TCF7: variants seen among roughly 807,000 people sequenced by gnomAD.
TCF7 encodes T-cell-factor-7.
TCF7 carries 19 observed loss-of-function variants against 46.8 expected under a neutral mutation model. The ratio of observed to expected loss-of-function variants is 0.41; its 90% CI spans 0.28 to 0.60. The LOEUF is 0.60. Ranked by LOEUF, TCF7 falls within the 20% of genes least tolerant of loss-of-function variation. The probability of loss-of-function intolerance (pLI) is 0.35; values close to 1 mark genes in which losing one functional copy is unlikely to be tolerated. For missense variants in TCF7, 547 were observed against 504.6 expected (o/e 1.08, Z -0.81); for synonymous variants, 245 against 213.4 (o/e 1.15, Z -1.29).
intron 5 of TCF7, chr5:134,139,984 T>G (rs971829247): frequency 2.6e-5 from 4 of 152,250 alleles, no homozygotes; most frequent in Non-Finnish European, 5.9e-5. Context: ...GTTCCGTGGA[T>G]GCAAATCTGT....
intron 3 of TCF7, among the ~76,000 whole-genome samples, chr5:134,119,893 C>T (rs1050130472): frequency 6.6e-6 from 1 of 152,234 alleles, no homozygotes; most frequent in Non-Finnish European, 1.5e-5. Flanking sequence ...AGCACCAGCC[C>T]TGGTTGCAGT....
chr5:134,140,900 A>G (rs979941321), intron 5 of TCF7: 7 of 401,204 alleles, frequency 1.7e-5, no homozygotes, highest in Non-Finnish European at 2.5e-5. Flanking sequence ...TGAGTCCCCT[A>G]CACTGCAGCT....
Position 134,143,639 on chromosome 5 carries a change from A to G in TCF7, c.1074A>G (p.Thr358=). 1.9e-6 allele frequency: 3 copies of G among 1,613,992 alleles called. No individual in the cohort carries two copies. Among genetic ancestry groups the G allele is most frequent in the Non-Finnish European group, 2.5e-6 (3 of 1,179,992 alleles). Residue 358 remains threonine (T), a splice_region_variant and synonymous_variant, in exon 9 of 10, where the codon ACA becomes ACG. Coordinates refer to ENST00000342854, the MANE Select transcript of TCF7 (RefSeq NM_003202.5). ...GGGAAAAGCACCAAGAATCCACCAC[A>G]GGTGAGACCTTCTCTCAGCAGCAGT... is the stretch of plus-strand genomic sequence containing the variant. ...RSREKHQEST[T]GGKRNAFGTY... is the part of the protein sequence containing the mutation.
chr5:134,143,675 C>T, intron 9 of TCF7, 35 bp downstream of exon 9: 1 of 1,612,374 alleles, frequency 6.2e-7, no homozygotes, highest in Non-Finnish European at 8.5e-7. Flanking sequence ...GGAGGCTCCT[C>T]TCCATGTCCC....
chr5:134,131,769 C>T (rs1435654247), intron 3 of TCF7, among the ~76,000 whole-genome samples: 1 of 152,268 alleles, frequency 6.6e-6, no homozygotes, highest in Non-Finnish European at 1.5e-5. Context: ...CAGGCCTTTC[C>T]ACAAAGTGAC....
intron 1 of TCF7, 57 bp from the exon 2 acceptor site, chr5:134,115,258 CCGGCGT>C: frequency 6.8e-7 from 1 of 1,468,844 alleles, no homozygotes; most frequent in Non-Finnish European, 9.1e-7. Flanking sequence ...CGTCCCTGCC[CCGGCGT>C]CGGCCCCGAC....
intron 2 of TCF7, chr5:134,115,591 T>G: frequency 7.0e-7 from 1 of 1,434,818 alleles, no homozygotes; most frequent in Non-Finnish European, 9.1e-7. Context: ...TTTATAGGAG[T>G]AAACAGACCC....
intron 8 of TCF7, 62 bp downstream of exon 8, chr5:134,143,162 G>C: frequency 4.0e-6 from 6 of 1,502,594 alleles, no homozygotes; most frequent in Non-Finnish European, 9.1e-7. Flanking sequence ...CCATGCCCCA[G>C]GCCACAATCT....
chr5:134,113,148 G>A (rs1412665339), upstream of TCF7, among the ~76,000 whole-genome samples: 1 of 152,228 alleles, frequency 6.6e-6, no homozygotes, highest in African/African-American at 2.4e-5. Context: ...CGGAGCAGAT[G>A]AGGCGAGACT....
At chr5:134,142,618 G>C in intron 6 of TCF7, 103 bp from the exon 7 acceptor site, 1 of 1,442,088 alleles carries the variant, frequency 6.9e-7, no homozygotes. Flanking sequence ...GAAAACTCTG[G>C]TATCATACAC....
intron 5 of TCF7, chr5:134,139,311 A>C (rs566233210): frequency 2.1e-6 from 1 of 478,152 alleles, no homozygotes; most frequent in East Asian, 3.3e-5. Flanking sequence ...CTCAGTGTCC[A>C]AGAGATCCCC....
In TCF7 at chr5:134,115,072, G is replaced by T. The variant is rs766016175; in HGVS notation, c.166G>T (p.Val56Leu). 1 of 1,168,260 alleles carries T rather than the reference G, an allele frequency of 8.6e-7. No individual in the cohort carries two copies. The highest frequency in any genetic ancestry group is 1.9e-5 in the South Asian group (1 of 52,498). The allele number at this position is 1,168,260 out of a possible 1,614,324, so 72.4% of individuals were successfully genotyped here. A position where few individuals can be genotyped will look rare whatever the true frequency, so the allele number is the denominator to read the frequency against. The change falls in exon 1 of 10, where the codon GTG becomes TTG. Residue 56 changes from valine to leucine, a missense_variant. This residue lies in a region of TCF7 where 425 missense variants were observed against 349.9 expected (regional missense o/e 1.21). Coordinates refer to ENST00000342854, the MANE Select transcript of TCF7 (RefSeq NM_003202.5). ...CCTGGCCGAGCTCAAGTCGTCGCTC[G>T]TGAACGAGTCCGAGGGCGCGGCCGG... is the stretch of plus-strand genomic sequence containing the variant. ...RDLAELKSSL[V>L]NESEGAAGGA...
At chr5:134,115,194 C>T (rs1755627933) in intron 1 of TCF7, 39 bp downstream of exon 1, 1 of 1,097,864 alleles carries the variant, frequency 9.1e-7, no homozygotes. Flanking sequence ...CCCGCGGTCG[C>T]CGCGCCGCGC....
At position 134,138,100 on chromosome 5, in the gene TCF7, T is replaced by C; in HGVS notation, c.483T>C (p.Ser161=). 6.2e-7 allele frequency: 1 copy of C among 1,611,332 alleles called. No individual in the cohort carries two copies. Among genetic ancestry groups the C allele is most frequent in the East Asian group, 2.2e-5 (1 of 44,648 alleles). ...CCCCCCACGGTGTCCCCCAACTCTC[T>C]CTCTACGAACATTTCAACAGCCCAC... is the stretch of plus-strand genomic sequence containing the variant. ...NQPPHGVPQL[S]LYEHFNSPHP... The change falls in exon 4 of 10, where the codon TCT becomes TCC. Residue 161 remains serine, a synonymous_variant. Coordinates refer to ENST00000342854, the MANE Select transcript of TCF7 (RefSeq NM_003202.5).
At position 134,143,120 on chromosome 5, in the gene TCF7, C is replaced by A. The variant is rs569329326; in HGVS notation, c.1026+20C>A. The A allele has an allele frequency of 5.0e-6, 8 of 1,587,786 alleles. No individual in the cohort carries two copies. In the South Asian group the frequency reaches 6.8e-5, roughly 14 times the overall value. On this transcript the variant is annotated intron_variant, in intron 8 of 9. Coordinates refer to ENST00000342854, the MANE Select transcript of TCF7 (RefSeq NM_003202.5). The stretch of plus-strand genomic sequence containing the variant: ...AACTACGTGAGTGCCTAGTGACACA[C>A]AGCAGGGGTGGGCAGGGGACCCTTT...
intron 9 of TCF7, 24 bp downstream of exon 9, chr5:134,143,664 T>A (rs1382995622): frequency 9.3e-6 from 15 of 1,613,368 alleles, no homozygotes; most frequent in Non-Finnish European, 1.3e-5. Context: ...TCAGCAGCAG[T>A]GGAGGCTCCT....
intron 9 of TCF7, chr5:134,145,625 C>T: frequency 9.3e-7 from 1 of 1,072,512 alleles, no homozygotes; most frequent in South Asian, 1.5e-5. Context: ...GTACCCACCA[C>T]ACTCCCTGTC....
At chr5:134,120,203 C>T (rs761397461) in intron 3 of TCF7, among the ~76,000 whole-genome samples, 18 of 152,152 alleles carry the variant, frequency 1.2e-4, no homozygotes, top group Non-Finnish European at 2.5e-4. Context: ...CAAACCTCCC[C>T]ACTACTCTGC....
chr5:134,139,029 C>A lies in TCF7; in HGVS notation c.626C>A (p.Thr209Asn). ...TSGSMGQLPH[T>N]VSWFTHPSLM... ...GGCAGCATGGGGCAGCTCCCCCACACTGTGAGCTGGTGAGTGTGGGCCCAA... is the reference window on the plus strand; with the variant it reads ...GGCAGCATGGGGCAGCTCCCCCACAATGTGAGCTGGTGAGTGTGGGCCCAA... The change falls in exon 5 of 10, where the codon ACT becomes AAT. Residue 209 changes from threonine to asparagine, a missense_variant. Transcript: ENST00000342854. 7 of 1,613,882 alleles carry A rather than the reference C, an allele frequency of 4.3e-6. No homozygotes were observed. The highest frequency in any genetic ancestry group is 5.9e-6 in the Non-Finnish European group (7 of 1,180,014).
Sources: allele counts gnomAD v4.1 joint callset (sites outside exome capture counted in the v4.1 genomes callset), GRCh38; gene constraint gnomAD v4.1.1; regional missense constraint gnomAD v4.1.1; transcripts MANE v1.5; gene names NCBI Gene and HGNC (gene_info 2026-07-23, HGNC 2026-07-21).